KCNQ3: variants seen among roughly 807,000 people sequenced by gnomAD.
KCNQ3 encodes the protein potassium voltage-gated channel subfamily KQT member 3.
KCNQ3 carries 30 observed loss-of-function variants against 92.5 expected under a neutral mutation model. That is an observed-to-expected ratio of 0.32 (90% confidence interval 0.24 to 0.44). The LOEUF (loss-of-function observed/expected upper bound fraction) is 0.44. Among genes scored for constraint, KCNQ3 ranks in the 20% least tolerant of loss-of-function variants. KCNQ3 has a pLI of 1.00. For synonymous variants in KCNQ3, 450 were observed against 468.8 expected (o/e 0.96, Z 0.52); for missense variants, 913 against 1,140.3 (o/e 0.80, Z 2.87).
chr8:132,317,144 G>A (rs906154944), intron 1 of KCNQ3, among the ~76,000 whole-genome samples: 8 of 152,074 alleles, frequency 5.3e-5, no homozygotes, highest in African/African-American at 1.7e-4. Context: ...TGGTTTATGT[G>A]GAGCACCCAG....
intron 11 of KCNQ3, 29 bp from the exon 12 acceptor site, chr8:132,138,045 A>G: frequency 1.2e-6 from 2 of 1,602,868 alleles, no homozygotes; most frequent in Non-Finnish European, 8.5e-7. Context: ...GCATTTGTGC[A>G]TCCCATGTGG....
intron 1 of KCNQ3, among the ~76,000 whole-genome samples, chr8:132,360,421 G>A (rs753812131): frequency 1.6e-4 from 24 of 152,170 alleles, no homozygotes; most frequent in Non-Finnish European, 2.5e-4. Context: ...ACCAGAATGT[G>A]AGCCTCATGG....
intron 1 of KCNQ3, among the ~76,000 whole-genome samples, chr8:132,423,702 G>A (rs988238029): frequency 3.9e-5 from 6 of 152,232 alleles, no homozygotes; most frequent in Middle Eastern, 3.4e-3. Context: ...TAATTCAGCC[G>A]AGGTCACACA....
chr8:132,183,674 C>T (rs1826865755), intron 3 of KCNQ3, among the ~76,000 whole-genome samples: 2 of 152,198 alleles, frequency 1.3e-5, no homozygotes, highest in South Asian at 4.1e-4. Context: ...CCAGTGACAC[C>T]TCTCAAGGCA....
intron 1 of KCNQ3, among the ~76,000 whole-genome samples, chr8:132,421,445 C>T (rs947749666): frequency 6.6e-6 from 1 of 152,130 alleles, no homozygotes; most frequent in African/African-American, 2.4e-5. Flanking sequence ...TGGCAGGAAA[C>T]ATTTTTAAAA....
At chr8:132,362,136 G>A (rs1819190184) in intron 1 of KCNQ3, among the ~76,000 whole-genome samples, 1 of 152,200 alleles carries the variant, frequency 6.6e-6, no homozygotes, top group East Asian at 1.9e-4. Context: ...CATGTGGCTT[G>A]ACGATTTTCT....
At chr8:132,399,327 C>T (rs765438248) in intron 1 of KCNQ3, among the ~76,000 whole-genome samples, 1 of 152,162 alleles carries the variant, frequency 6.6e-6, no homozygotes, top group Non-Finnish European at 1.5e-5. Flanking sequence ...TTGCAGCTCT[C>T]ACAGAAAGCA....
At chr8:132,417,599 C>T (rs1298153953) in intron 1 of KCNQ3, among the ~76,000 whole-genome samples, 1 of 152,210 alleles carries the variant, frequency 6.6e-6, no homozygotes, top group African/African-American at 2.4e-5. Context: ...GTGACATACA[C>T]ACTCTATGTG....
rs531281410 is a variant in KCNQ3 at position 132,278,313 on chromosome 8, A to C, written c.387-92132T>G. 13 of 560,008 alleles carry C rather than the reference A, an allele frequency of 2.3e-5. No homozygotes were observed. In the South Asian group the frequency reaches 5.5e-4, roughly 24 times the overall value. 34.7% of individuals were successfully genotyped at this position (560,008 alleles called of 1,614,324 possible). A position where few individuals can be genotyped will look rare whatever the true frequency, so the allele number is the denominator to read the frequency against. On this transcript the variant is annotated intron_variant, in intron 1 of 14. Coordinates refer to ENST00000388996, the MANE Select transcript of KCNQ3 (RefSeq NM_004519.4). ...GCTTCCTATGGCCAAAGGAAAAAAA[A>C]AGAAGAAAAATGAAAAGAAAGAAAC... is the stretch of plus-strand genomic sequence containing the variant.
At chr8:132,370,295 G>T in intron 1 of KCNQ3, among the ~76,000 whole-genome samples, 1 of 151,860 alleles carries the variant, frequency 6.6e-6, no homozygotes, top group East Asian at 1.9e-4. Context: ...TGCTCAATGC[G>T]TGCCTGCTAA....
At chr8:132,231,249 T>C (rs1017922223) in intron 1 of KCNQ3, among the ~76,000 whole-genome samples, 3 of 152,234 alleles carry the variant, frequency 2.0e-5, no homozygotes, top group African/African-American at 4.8e-5. Context: ...ATATAATAAC[T>C]GTCTGCTGTT....
intron 1 of KCNQ3, among the ~76,000 whole-genome samples, chr8:132,265,395 C>T (rs748783335): frequency 1.2e-4 from 18 of 152,222 alleles, no homozygotes; most frequent in Non-Finnish European, 1.6e-4. Flanking sequence ...GGCAAAGAGT[C>T]TACCCATCAC....
chr8:132,308,198 C>G (rs1817488397), intron 1 of KCNQ3, among the ~76,000 whole-genome samples: 1 of 152,230 alleles, frequency 6.6e-6, no homozygotes, highest in Admixed American at 6.5e-5. Context: ...GAGGTTCCAC[C>G]TGACTTTGAG....
chr8:132,421,784 T>G (rs2130811491), intron 1 of KCNQ3, among the ~76,000 whole-genome samples: 1 of 152,292 alleles, frequency 6.6e-6, no homozygotes, highest in Non-Finnish European at 1.5e-5. Context: ...TGGATCTGGC[T>G]GCAGAATCAC....
chr8:132,405,323 C>T (rs1820447686), intron 1 of KCNQ3, among the ~76,000 whole-genome samples: 1 of 152,220 alleles, frequency 6.6e-6, no homozygotes, highest in South Asian at 2.1e-4. Context: ...ATAAAATTGC[C>T]TGTTCCACAA....
At chr8:132,347,433 A>C (rs563411212) in intron 1 of KCNQ3, among the ~76,000 whole-genome samples, 3 of 152,316 alleles carry the variant, frequency 2.0e-5, no homozygotes, top group African/African-American at 7.2e-5. Context: ...AATAGTGAAC[A>C]ACACGGTTGT....
intron 1 of KCNQ3, among the ~76,000 whole-genome samples, chr8:132,204,115 G>A (rs1217070445): frequency 6.6e-6 from 1 of 152,142 alleles, no homozygotes. Flanking sequence ...ACGTCAAAGT[G>A]GGAAAAATGT....
chr8:132,367,336 C>T (rs1819350938), intron 1 of KCNQ3, among the ~76,000 whole-genome samples: 1 of 152,160 alleles, frequency 6.6e-6, no homozygotes, highest in Admixed American at 6.5e-5. Flanking sequence ...TCCAGAAGCA[C>T]ATGGGTGTAT....
intron 1 of KCNQ3, among the ~76,000 whole-genome samples, chr8:132,231,924 C>T (rs1814658631): frequency 6.6e-6 from 1 of 152,122 alleles, no homozygotes; most frequent in African/African-American, 2.4e-5. Flanking sequence ...TTGATTGAGC[C>T]CCCACAACAT....
Sources: allele counts gnomAD v4.1 joint callset (sites outside exome capture counted in the v4.1 genomes callset), GRCh38; gene constraint gnomAD v4.1.1; transcripts MANE v1.5; gene names NCBI Gene and HGNC (gene_info 2026-07-23, HGNC 2026-07-21).